Variants in CNIH3 observed in about 807,000 individuals in gnomAD.
The protein encoded by CNIH3 is protein cornichon homolog 3.
A neutral mutation model predicts 24.1 loss-of-function variants in CNIH3; 14 were observed. That is an observed-to-expected ratio of 0.58 (90% CI 0.38 to 0.91). The LOEUF is 0.91. CNIH3 is among the 40% of genes least tolerant of loss of function. CNIH3 has a pLI of 0.00. For synonymous variants in CNIH3, 68 were observed against 73.8 expected (o/e 0.92, Z 0.40); for missense variants, 178 against 196.8 (o/e 0.90, Z 0.57).
chr1:224,502,522 C>T lies in CNIH3; in HGVS notation n.204-13219C>T, dbSNP rs565618790. Among the ~76,000 whole-genome samples, 5 of 152,306 alleles carry T rather than the reference C, an allele frequency of 3.3e-5. No individual in the cohort carries two copies. The East Asian group carries it at 9.7e-4, about 29-fold the overall frequency. ...AGCCTCCTGGCTTGCATGAGCAGAA[C>T]GAACAGCCTTCCTCCTGGTCTAGGC... On this transcript the variant is annotated intron_variant and non_coding_transcript_variant, in intron 1 of 5. Coordinates refer to the CNIH3 transcript ENST00000471578.
At chr1:224,614,685 A>G (rs1430650347), upstream of CNIH3, among the ~76,000 whole-genome samples, 3 of 152,068 alleles carry the variant, frequency 2.0e-5, no homozygotes, top group Non-Finnish European at 4.4e-5. Flanking sequence ...GCGGTGGCTC[A>G]CGCCTGTAAT....
intron 3 of CNIH3, among the ~76,000 whole-genome samples, chr1:224,698,489 C>A (rs1262971764): frequency 2.0e-5 from 3 of 152,188 alleles, no homozygotes; most frequent in Non-Finnish European, 4.4e-5. Flanking sequence ...AATAAAGGAA[C>A]CACTTAGGCA....
intron 1 of CNIH3, among the ~76,000 whole-genome samples, chr1:224,633,727 C>T (rs559054880): frequency 1.3e-4 from 20 of 152,228 alleles, no homozygotes; most frequent in Middle Eastern, 6.8e-3. Context: ...GAAGGGTGGG[C>T]CTCTAGATTA....
intron 3 of CNIH3, among the ~76,000 whole-genome samples, chr1:224,688,737 C>CG (rs947347352): frequency 6.6e-6 from 1 of 151,694 alleles, no homozygotes; most frequent in African/African-American, 2.4e-5. Flanking sequence ...CACCTGAGGT[C>CG]GGTGACCAGC....
At chr1:224,678,466 A>G (rs1186733210) in intron 1 of CNIH3, among the ~76,000 whole-genome samples, 1 of 152,196 alleles carries the variant, frequency 6.6e-6, no homozygotes, top group African/African-American at 2.4e-5. Context: ...TACTTTACAC[A>G]CTTTAGAATG....
chr1:224,473,149 C>T lies in CNIH3; in HGVS notation n.203+38287C>T, dbSNP rs183229488. On this transcript the variant is annotated intron_variant and non_coding_transcript_variant, in intron 1 of 5. Coordinates refer to the CNIH3 transcript ENST00000471578. ...TTTGGAAGATATTATTTGCAAGCCT[C>T]ATGGTAACCTCAAATTTAAAAACGT... Among the ~76,000 whole-genome samples the T allele has an allele frequency of 4.1e-4, 63 of 152,146 alleles. 1 individual carries two copies. In the East Asian group the frequency reaches 6.9e-3, roughly 17 times the overall value.
intron 2 of CNIH3, among the ~76,000 whole-genome samples, chr1:224,524,704 G>A (rs553078076): frequency 6.6e-6 from 1 of 152,294 alleles, no homozygotes; most frequent in African/African-American, 2.4e-5. Context: ...CAAGGGGTGG[G>A]TTGTTGGGTG....
chr1:224,618,419 G>A (rs1481241638), intron 1 of CNIH3, among the ~76,000 whole-genome samples: 1 of 152,236 alleles, frequency 6.6e-6, no homozygotes, highest in Non-Finnish European at 1.5e-5. Flanking sequence ...ATACAGTGGG[G>A]ATGACCCAAA....
Position 224,458,347 on chromosome 1 carries a change from CA to C in CNIH3, n.203+23488del, listed in dbSNP as rs1010591776. ...CTTCAGGGGCAGGCTGCCCACTTAC[CA>C]AAGTTATGCTTAGCAGAGGGGCTCT... On this transcript the variant is annotated intron_variant and non_coding_transcript_variant, in intron 1 of 5. Coordinates refer to the CNIH3 transcript ENST00000471578. The surrounding 1 kb of genome is among the most constrained non-coding windows in gnomAD (Gnocchi z 4.3). 1.1e-4 allele frequency among the ~76,000 whole-genome samples: 17 copies of C among 152,176 alleles called. No homozygotes were observed. The highest frequency in any genetic ancestry group is 9.2e-4 in the Admixed American group (14 of 15,276).
chr1:224,462,754 C>T (rs1442629120), intron 1 of CNIH3, among the ~76,000 whole-genome samples: 1 of 151,446 alleles, frequency 6.6e-6, no homozygotes, highest in Non-Finnish European at 1.5e-5. Context: ...ATCCTCCCAC[C>T]TCAGCCTCCT....
chr1:224,472,065 T>G (rs1676396287), intron 1 of CNIH3, among the ~76,000 whole-genome samples: 2 of 152,304 alleles, frequency 1.3e-5, no homozygotes, highest in South Asian at 4.1e-4. Context: ...TTTCCTTTTT[T>G]TGGGAGGGTG....
intron 3 of CNIH3, among the ~76,000 whole-genome samples, chr1:224,701,034 A>C (rs898346759): frequency 6.6e-6 from 1 of 152,194 alleles, no homozygotes; most frequent in Non-Finnish European, 1.5e-5. Flanking sequence ...ACTTGAGAGC[A>C]GGACAGCATT....
At chr1:224,540,953 A>G (rs1679489591), downstream of CNIH3, among the ~76,000 whole-genome samples, 1 of 152,208 alleles carries the variant, frequency 6.6e-6, no homozygotes, top group African/African-American at 2.4e-5. Flanking sequence ...TTGAAGATAG[A>G]ACGCATTTTC....
chr1:224,434,955 G>A, intron 1 of CNIH3: 1 of 985,628 alleles, frequency 1.0e-6, no homozygotes, highest in African/African-American at 1.7e-5. Flanking sequence ...GGCGGGGTCC[G>A]CCCCGACCCC....
chr1:224,723,829 G>C (rs1385028739), intron 3 of CNIH3, among the ~76,000 whole-genome samples: 2 of 152,222 alleles, frequency 1.3e-5, no homozygotes, highest in African/African-American at 4.8e-5. Flanking sequence ...GCATTTAGGA[G>C]AGCTCCTAAC....
intron 1 of CNIH3, among the ~76,000 whole-genome samples, chr1:224,632,954 C>A (rs1343759557): frequency 6.6e-6 from 1 of 152,156 alleles, no homozygotes; most frequent in South Asian, 2.1e-4. Context: ...CTGCATCCCC[C>A]TGGACCTTTT....
intron 1 of CNIH3, chr1:224,435,074 C>G (rs1283785116): frequency 4.1e-6 from 4 of 985,500 alleles, no homozygotes; most frequent in Non-Finnish European, 4.8e-6. Flanking sequence ...AGCCGCCCTC[C>G]GAAGCCGGGC....
chr1:224,496,913 A>T (rs1043590516), intron 1 of CNIH3, among the ~76,000 whole-genome samples: 3 of 152,244 alleles, frequency 2.0e-5, no homozygotes, highest in African/African-American at 7.2e-5. Flanking sequence ...CCACACAAAA[A>T]CTTGTACAAT....
At chr1:224,705,380 C>T (rs1020642794) in intron 3 of CNIH3, among the ~76,000 whole-genome samples, 3 of 152,250 alleles carry the variant, frequency 2.0e-5, no homozygotes, top group African/African-American at 4.8e-5. Context: ...TGGCCTGGAG[C>T]CCCCTTCATT....
Sources: allele counts gnomAD v4.1 joint callset (sites outside exome capture counted in the v4.1 genomes callset), GRCh38; gene constraint gnomAD v4.1.1; non-coding constraint Gnocchi (gnomAD v3.1); transcripts MANE v1.5; gene names NCBI Gene and HGNC (gene_info 2026-07-23, HGNC 2026-07-21).